The following WIPI1 variants were observed in gnomAD, a reference collection of about 807,000 sequenced individuals.
The protein encoded by WIPI1 is WD repeat domain phosphoinositide-interacting protein 1.
WIPI1 carries 45 observed loss-of-function variants against 55.3 expected under a neutral mutation model. The ratio of observed to expected loss-of-function variants is 0.81; its 90% confidence interval spans 0.64 to 1.04. The LOEUF (loss-of-function observed/expected upper bound fraction) is 1.04. WIPI1 is among the 50% of genes least tolerant of loss of function. The probability of loss-of-function intolerance (pLI) is 0.00; values close to 1 mark genes in which losing one functional copy is unlikely to be tolerated. For missense variants in WIPI1, 445 were observed against 559.0 expected (o/e 0.80, Z 2.06); for synonymous variants, 195 against 217.6 (o/e 0.90, Z 0.92).
chr17:68,427,197 A>G lies in WIPI1; in HGVS notation c.1130T>C (p.Leu377Ser), dbSNP rs1376730965. ...ENKENDLRPS[L>S]PQSYAATVAR... Reference sequence around the variant, plus strand: ...TACGGTCGCTGCATAAGACTGAGGTAAGGAAGGTCTGAGGTCATTTTCTTT... The same window carrying G: ...TACGGTCGCTGCATAAGACTGAGGTGAGGAAGGTCTGAGGTCATTTTCTTT... Residue 377 changes from leucine (L) to serine (S), a missense_variant, in exon 11 of 13, where the codon TTA (leucine) becomes TCA (serine). Physicochemically the swap from Leu to Ser is moderately radical, Grantham distance 145 (BLOSUM62 -2). Transcript: ENST00000262139. 2 of 1,614,100 alleles carry G rather than the reference A, an allele frequency of 1.2e-6. No homozygotes were observed. The highest frequency in any genetic ancestry group is 2.7e-5 in the African/African-American group (2 of 74,926).
At chr17:68,431,330 A>T (rs2083500925) in intron 8 of WIPI1, among the ~76,000 whole-genome samples, 1 of 152,082 alleles carries the variant, frequency 6.6e-6, no homozygotes, top group Non-Finnish European at 1.5e-5. Context: ...AACCTCCCTG[A>T]CAGGGTTGCT....
rs371888312 is a variant in WIPI1, at chr17:68,435,732, A to G, written c.529-20T>C. The G allele has an allele frequency of 2.4e-4, 391 of 1,608,404 alleles. No homozygotes were observed. Among genetic ancestry groups the G allele is most frequent in the Non-Finnish European group, 3.2e-4 (373 of 1,174,746 alleles). ...TGTTTTCTGTTGGTGAAAAGGAAAA[A>G]TGGATACAGATGCTGCGGAGGAGGG... On this transcript the variant is annotated intron_variant, in intron 5 of 12. Coordinates refer to ENST00000262139, the MANE Select transcript of WIPI1 (RefSeq NM_017983.7).
intron 2 of WIPI1, among the ~76,000 whole-genome samples, 180 bp downstream of exon 2, chr17:68,452,730 T>C (rs1389073066): frequency 6.6e-6 from 1 of 152,222 alleles, no homozygotes; most frequent in African/African-American, 2.4e-5. Flanking sequence ...CAGATCTAAG[T>C]GCTTGTGGTT....
At position 68,425,117 on chromosome 17, in the gene WIPI1, A is replaced by T. The variant is rs1600246424; in HGVS notation, c.1293+958T>A. Among the ~76,000 whole-genome samples, 3 of 152,220 alleles carry T rather than the reference A, an allele frequency of 2.0e-5. No individual in the cohort carries two copies. The East Asian group carries it at 5.8e-4, about 29-fold the overall frequency. On this transcript the variant is annotated intron_variant, in intron 12 of 12. Coordinates refer to ENST00000262139, the MANE Select transcript of WIPI1 (RefSeq NM_017983.7). ...CCCCGAGGGCCCTAGCTGTGGGAACAGGCTGAGCAGGTTGCTGGGAAACCC... is the reference window on the plus strand; with the variant it reads ...CCCCGAGGGCCCTAGCTGTGGGAACTGGCTGAGCAGGTTGCTGGGAAACCC...
In WIPI1 at chr17:68,427,261, T is replaced by C; in HGVS notation, c.1074-8A>G. 2 of 1,607,122 alleles carry C rather than the reference T, an allele frequency of 1.2e-6. No homozygotes were observed. The highest frequency in any genetic ancestry group is 1.7e-6 in the Non-Finnish European group (2 of 1,173,842). On this transcript the variant is annotated splice_polypyrimidine_tract_variant and splice_region_variant and intron_variant, in intron 10 of 12. Transcript: ENST00000262139. ...GTTCCTGAGCCAAGCAAGCTACTTG[T>C]GACAATCAAGAGGAGGTGAAAGAAA...
Position 68,457,460 on chromosome 17 carries a change from G to A in WIPI1, c.-39C>T, listed in dbSNP as rs941507321. Reference sequence around the variant, plus strand: ...CGGGAAGCCGCAGCTCGGAGCCGGCGACAGCCACCTCAGCAGCCCGCCCGC... The same window carrying A: ...CGGGAAGCCGCAGCTCGGAGCCGGCAACAGCCACCTCAGCAGCCCGCCCGC... On this transcript the variant is annotated 5_prime_UTR_variant, in exon 1 of 13. Coordinates refer to ENST00000262139, the MANE Select transcript of WIPI1 (RefSeq NM_017983.7). 19 of 1,440,398 alleles carry A rather than the reference G, an allele frequency of 1.3e-5. No individual in the cohort carries two copies. In the Admixed American group the frequency reaches 4.3e-4, roughly 32 times the overall value. 89.2% of individuals were successfully genotyped at this position (1,440,398 alleles called of 1,614,324 possible).
chr17:68,433,798 TG>T (rs2083649468), intron 7 of WIPI1, among the ~76,000 whole-genome samples: 2 of 96,534 alleles, frequency 2.1e-5, no homozygotes, highest in African/African-American at 8.6e-5. Flanking sequence ...TTTTTTTTTT[TG>T]AGACAGAGTC....
chr17:68,427,634 A>G (rs2083286396), intron 10 of WIPI1: 1 of 175,218 alleles, frequency 5.7e-6, no homozygotes, highest in Non-Finnish European at 1.2e-5. Flanking sequence ...TTGTAGACCT[A>G]CCCACACGCT....
At position 68,426,293 on chromosome 17, in the gene WIPI1, C is replaced by T. The variant is rs1049187338; in HGVS notation, c.1193-118G>A. On this transcript the variant is annotated intron_variant, in intron 11 of 12. Transcript: ENST00000262139. ...CAAAGGAAGCAAAGGGGCTGTCTGT[C>T]TTCCCCCTGGAGGTACTGTGCCTAG... is the stretch of plus-strand genomic sequence containing the variant. The T allele has an allele frequency of 5.1e-6, 4 of 791,892 alleles. No homozygotes were observed. In the African/African-American group the frequency reaches 6.8e-5, roughly 13 times the overall value. 49.1% of individuals were successfully genotyped at this position (791,892 alleles called of 1,614,324 possible). A position where few individuals can be genotyped will look rare whatever the true frequency, so the allele number is the denominator to read the frequency against.
At chr17:68,450,589 G>C in intron 3 of WIPI1, 139 bp downstream of exon 3, 1 of 1,161,692 alleles carries the variant, frequency 8.6e-7, no homozygotes, top group South Asian at 1.5e-5. Context: ...CAATACCCCC[G>C]GGACACGGGG....
chr17:68,429,897 G>A (rs1346787129), intron 9 of WIPI1, 99 bp downstream of exon 9: 20 of 1,569,806 alleles, frequency 1.3e-5, no homozygotes, highest in Non-Finnish European at 1.7e-5. Context: ...CCTGGGGCAA[G>A]TTTTCTTTTT....
intron 5 of WIPI1, 95 bp downstream of exon 5, chr17:68,436,287 C>A: frequency 8.8e-7 from 1 of 1,141,134 alleles, no homozygotes; most frequent in Non-Finnish European, 1.3e-6. Context: ...CCCACCGCCT[C>A]CAGCCCCCGA....
At chr17:68,431,468 A>G (rs1198866530) in intron 8 of WIPI1, among the ~76,000 whole-genome samples, 1 of 152,128 alleles carries the variant, frequency 6.6e-6, no homozygotes, top group Non-Finnish European at 1.5e-5. Flanking sequence ...TGGGCTCTGC[A>G]GCAGGTCTGA....
In WIPI1 at chr17:68,423,216, A is replaced by G. The variant is rs1182567089; in HGVS notation, c.1294-1396T>C. Among the ~76,000 whole-genome samples, 2 of 152,232 alleles carry G rather than the reference A, an allele frequency of 1.3e-5. No individual in the cohort carries two copies. Among genetic ancestry groups the G allele is most frequent in the African/African-American group, 4.8e-5 (2 of 41,460 alleles). ...TTCTGCACAGAGATTTGCAATAGGCATGACAATTCAGAATAAGGAGACAGA... is the reference window on the plus strand; with the variant it reads ...TTCTGCACAGAGATTTGCAATAGGCGTGACAATTCAGAATAAGGAGACAGA... On this transcript the variant is annotated intron_variant, in intron 12 of 12. Transcript: ENST00000262139. The surrounding 1 kb of genome is among the most constrained non-coding windows in gnomAD (Gnocchi z 4.4).
At chr17:68,431,368 G>C (rs185751577) in intron 8 of WIPI1, among the ~76,000 whole-genome samples, 1 of 152,160 alleles carries the variant, frequency 6.6e-6, no homozygotes, top group Admixed American at 6.5e-5. Flanking sequence ...TGGGGACTGA[G>C]CATGGAGCCC....
chr17:68,455,601 G>C (rs1381981625), intron 1 of WIPI1, among the ~76,000 whole-genome samples: 1 of 152,176 alleles, frequency 6.6e-6, no homozygotes, highest in Non-Finnish European at 1.5e-5. Flanking sequence ...GCAACTGACT[G>C]TGACAAGAAC....
At chr17:68,438,820 G>A (rs2083948214) in intron 4 of WIPI1, among the ~76,000 whole-genome samples, 1 of 152,124 alleles carries the variant, frequency 6.6e-6, no homozygotes, top group Admixed American at 6.5e-5. Flanking sequence ...AGGCTGTCTC[G>A]AACTCGTGAC....
intron 3 of WIPI1, among the ~76,000 whole-genome samples, chr17:68,450,450 C>G (rs532263588): frequency 6.6e-6 from 1 of 152,332 alleles, no homozygotes; most frequent in South Asian, 2.1e-4. Context: ...TGACCCATCC[C>G]TGCGGTGCCC....
intron 11 of WIPI1, among the ~76,000 whole-genome samples, chr17:68,426,625 C>T (rs1375161481): frequency 6.6e-6 from 1 of 152,160 alleles, no homozygotes; most frequent in African/African-American, 2.4e-5. Flanking sequence ...CTCCGCCTCT[C>T]TGGTTCAAGC....
Sources: gnomAD v4.1 joint callset for allele counts (sites outside exome capture counted in the v4.1 genomes callset) on GRCh38, gnomAD v4.1.1 for gene constraint, Gnocchi (gnomAD v3.1) non-coding constraint, MANE v1.5 for transcripts, NCBI Gene and HGNC (gene_info 2026-07-23, HGNC 2026-07-21) for gene names.